C8orf89: variants seen among roughly 807,000 people sequenced by gnomAD.
C8orf89 encodes the protein putative uncharacterized protein C8orf89.
A neutral mutation model predicts 15.8 loss-of-function variants in C8orf89; 14 were observed. The observed-to-expected ratio is 0.89, with a 90% CI of 0.59 to 1.39. C8orf89 has a LOEUF of 1.39. Ranked by LOEUF, C8orf89 falls within the 40% of genes most tolerant of loss-of-function variation. The pLI is 0.00. For synonymous variants in C8orf89, 55 were observed against 62.2 expected, an observed-to-expected ratio of 0.88 and a Z score of 0.54; for missense variants, 181 against 184.5, an observed-to-expected ratio of 0.98 and a Z score of 0.11.
At chr8:73,258,409 C>CAAAAAAAA (rs34265425) in intron 1 of C8orf89, among the ~76,000 whole-genome samples, 1 of 69,158 alleles carries the variant, frequency 1.4e-5, no homozygotes. Context: ...GACTCCATCT[C>CAAAAAAAA]AAAAAAAAAA....
chr8:73,276,805 A>AGTTTTTTTT, the C8orf89 span, among the ~76,000 whole-genome samples: 1 of 87,640 alleles, frequency 1.1e-5, no homozygotes, highest in Non-Finnish European at 2.1e-5. Context: ...CACAGCAGTC[A>AGTTTTTTTT]TTTTTTTTTT....
Position 73,259,435 on chromosome 8 carries a change from G to A in C8orf89, c.24C>T (p.Ile8=), listed in dbSNP as rs1160807190. Residue 8 remains isoleucine (I), a synonymous_variant, in exon 1 of 4, where the codon ATC becomes ATT. Coordinates refer to ENST00000624510, the MANE Select transcript of C8orf89 (RefSeq NM_001243237.3). MSVLSPE[I]KCETSKFTRS... is the part of the protein sequence containing the mutation. ...TGGTGAATTTAGAAGTCTCACATTTGATTTCAGGAGATAGCACTGACATTT... is the reference window on the plus strand; with the variant it reads ...TGGTGAATTTAGAAGTCTCACATTTAATTTCAGGAGATAGCACTGACATTT... 6.5e-7 allele frequency: 1 copy of A among 1,533,208 alleles called. No individual in the cohort carries two copies. The highest frequency in any genetic ancestry group is 8.7e-7 in the Non-Finnish European group (1 of 1,145,692). 95.0% of individuals were successfully genotyped at this position (1,533,208 alleles called of 1,614,324 possible). A position where few individuals can be genotyped will look rare whatever the true frequency, so the allele number is the denominator to read the frequency against.
the C8orf89 span, among the ~76,000 whole-genome samples, chr8:73,283,669 T>G: frequency 6.6e-6 from 1 of 152,208 alleles, no homozygotes; most frequent in East Asian, 1.9e-4. Flanking sequence ...TCTATCAAAA[T>G]TTTTTAATGT....
intron 2 of C8orf89, among the ~76,000 whole-genome samples, chr8:73,255,552 G>A (rs1042385060): frequency 3.1e-4 from 47 of 151,942 alleles, no homozygotes; most frequent in Non-Finnish European, 6.5e-4. Flanking sequence ...TCAGTGTGGC[G>A]ATTCCTCAGG....
the C8orf89 span, among the ~76,000 whole-genome samples, chr8:73,270,593 A>T: frequency 1.3e-5 from 2 of 152,198 alleles, no homozygotes; most frequent in African/African-American, 4.8e-5. Context: ...AAGAAATATT[A>T]AAATGAAGCT....
At chr8:73,271,819 A>C in the C8orf89 span, among the ~76,000 whole-genome samples, 1 of 152,058 alleles carries the variant, frequency 6.6e-6, no homozygotes, top group African/African-American at 2.4e-5. Context: ...GGGGGAAACC[A>C]CTCCCATGAT....
At chr8:73,253,060 T>G (rs1813283118) in intron 2 of C8orf89, among the ~76,000 whole-genome samples, 1 of 152,180 alleles carries the variant, frequency 6.6e-6, no homozygotes, top group Non-Finnish European at 1.5e-5. Context: ...GGAGAATTGC[T>G]TGAACCCGGG....
At chr8:73,277,749 T>A in the C8orf89 span, 4 of 744,686 alleles carry the variant, frequency 5.4e-6, no homozygotes, top group Non-Finnish European at 1.0e-5. Flanking sequence ...CCACATGGGT[T>A]TTAGGGAGGA....
At chr8:73,265,082 G>GA in the C8orf89 span, among the ~76,000 whole-genome samples, 17 of 148,958 alleles carry the variant, frequency 1.1e-4, no homozygotes, top group Admixed American at 2.0e-4. Flanking sequence ...ACTTCTTGAG[G>GA]AAAAAAAAAA....
At chr8:73,277,754 G>A in the C8orf89 span, 6 of 743,652 alleles carry the variant, frequency 8.1e-6, no homozygotes, top group East Asian at 1.6e-4. Context: ...TGGGTTTTAG[G>A]GAGGACAGAT....
chr8:73,276,805 A>AT, the C8orf89 span, among the ~76,000 whole-genome samples: 3,324 of 87,428 alleles, frequency 0.038, 260 homozygotes, highest in Non-Finnish European at 0.044. Context: ...CACAGCAGTC[A>AT]TTTTTTTTTT....
chr8:73,277,530 C>T, the C8orf89 span: 36 of 768,828 alleles, frequency 4.7e-5, no homozygotes, highest in Non-Finnish European at 7.6e-5. Flanking sequence ...CTTCTCCTTC[C>T]AGGTTTCCAG....
chr8:73,262,188 A>T (rs1186188449), upstream of C8orf89, among the ~76,000 whole-genome samples: 1 of 152,168 alleles, frequency 6.6e-6, no homozygotes, highest in Non-Finnish European at 1.5e-5. Context: ...TTTTATTTGT[A>T]AAGGTGAAGA....
In C8orf89 at chr8:73,259,492, G is replaced by A. The variant is rs573147046; in HGVS notation, c.-34C>T. 56 of 1,449,566 alleles carry A rather than the reference G, an allele frequency of 3.9e-5. No homozygotes were observed. The highest frequency in any genetic ancestry group is 4.4e-5 in the Non-Finnish European group (49 of 1,102,706). 89.8% of individuals were successfully genotyped at this position (1,449,566 alleles called of 1,614,324 possible). A position where few individuals can be genotyped will look rare whatever the true frequency, so the allele number is the denominator to read the frequency against. ...CTTTCAACAGTGCTGATGAGAGGGAGATGCTGCTGCAGAGACAGGACACAA... is the reference window on the plus strand; with the variant it reads ...CTTTCAACAGTGCTGATGAGAGGGAAATGCTGCTGCAGAGACAGGACACAA... On this transcript the variant is annotated 5_prime_UTR_variant, in exon 1 of 4. Transcript: ENST00000624510.
At chr8:73,269,383 C>A in the C8orf89 span, among the ~76,000 whole-genome samples, 1 of 152,150 alleles carries the variant, frequency 6.6e-6, no homozygotes, top group Non-Finnish European at 1.5e-5. Flanking sequence ...AAGATGAAAA[C>A]CTCTCAGTTA....
At chr8:73,248,114 G>A (rs758328753) in intron 3 of C8orf89, among the ~76,000 whole-genome samples, 15 of 152,134 alleles carry the variant, frequency 9.9e-5, no homozygotes, top group Admixed American at 2.6e-4. Context: ...GTTGATTTTT[G>A]TATATGGTGT....
chr8:73,278,321 G>A, the C8orf89 span, among the ~76,000 whole-genome samples: 1 of 152,180 alleles, frequency 6.6e-6, no homozygotes. Flanking sequence ...CCAAGGCTGG[G>A]CCTAAGCAGG....
chr8:73,247,125 ATTATTT>A (rs1813145063), intron 3 of C8orf89, among the ~76,000 whole-genome samples: 1 of 152,018 alleles, frequency 6.6e-6, no homozygotes, highest in Non-Finnish European at 1.5e-5. Flanking sequence ...TGTTGTATAG[ATTATTT>A]CTTCACCTGA....
the C8orf89 span, among the ~76,000 whole-genome samples, chr8:73,284,780 C>A: frequency 6.6e-6 from 1 of 152,050 alleles, no homozygotes; most frequent in Non-Finnish European, 1.5e-5. Context: ...TGAAGAAATA[C>A]CATTGTAACA....
Sources: allele counts gnomAD v4.1 joint callset (sites outside exome capture counted in the v4.1 genomes callset), GRCh38; gene constraint gnomAD v4.1.1; transcripts MANE v1.5; gene names NCBI Gene and HGNC (gene_info 2026-07-23, HGNC 2026-07-21).